CNTNAP4: variants seen among roughly 807,000 people sequenced by gnomAD.
The protein encoded by CNTNAP4 is contactin-associated protein-like 4.
CNTNAP4 carries 98 observed loss-of-function variants against 148.4 expected under a neutral mutation model. That is an observed-to-expected ratio of 0.66 (90% confidence interval 0.56 to 0.78). The LOEUF (loss-of-function observed/expected upper bound fraction) is 0.78, where lower values mean the gene tolerates loss of function less well. CNTNAP4 is among the 30% of genes least tolerant of loss of function. The probability of loss-of-function intolerance (pLI) is 0.00; values close to 1 mark genes in which losing one functional copy is unlikely to be tolerated. For missense variants in CNTNAP4, 1,935 were observed against 1,565.6 expected (o/e 1.24, Z -3.98); for synonymous variants, 730 against 565.1 (o/e 1.29, Z -4.14).
chr16:76,303,598 A>G (rs368907149), intron 1 of CNTNAP4, among the ~76,000 whole-genome samples: 3 of 152,178 alleles, frequency 2.0e-5, no homozygotes, highest in Admixed American at 1.3e-4. Flanking sequence ...TTCTAACTGT[A>G]TCATCAAAGG....
chr16:76,537,464 G>C (rs35430624), intron 18 of CNTNAP4, among the ~76,000 whole-genome samples: 1 of 131,006 alleles, frequency 7.6e-6, no homozygotes, highest in Admixed American at 8.1e-5. Context: ...GTGAGAGAGA[G>C]AGAGAGGAAG....
chr16:76,557,620 G>A (rs1483742499), intron 23 of CNTNAP4: 4 of 152,192 alleles, frequency 2.6e-5, no homozygotes, highest in South Asian at 2.1e-4. Flanking sequence ...GCAGTGTAAT[G>A]TTTTCTACTT....
chr16:76,464,521 TA>T (rs2081106655), intron 9 of CNTNAP4, among the ~76,000 whole-genome samples: 1 of 152,132 alleles, frequency 6.6e-6, no homozygotes, highest in Non-Finnish European at 1.5e-5. Context: ...CTGTGTTGTC[TA>T]GGTGGAAAGT....
chr16:76,448,878 A>G lies in CNTNAP4; in HGVS notation c.854A>G (p.Asn285Ser), dbSNP rs758031210. The change falls in exon 6 of 24, where the codon AAC becomes AGC. Residue 285 changes from asparagine (N) to serine (S), a missense_variant. Transcript: ENST00000611870. ...VLIQRLGKQVNFTVDEHRHHF... is the reference protein window; with the variant it reads ...VLIQRLGKQVSFTVDEHRHHF... ...ATCCAGCGTTTGGGCAAACAAGTCA[A>G]CTTCACAGTGGACGAACACAGGCAT... The G allele has an allele frequency of 1.2e-5, 19 of 1,613,656 alleles. No homozygotes were observed. Among genetic ancestry groups the G allele is most frequent in the South Asian group, 3.3e-5 (3 of 91,002 alleles).
intron 1 of CNTNAP4, among the ~76,000 whole-genome samples, chr16:76,306,805 C>G (rs1301690347): frequency 2.0e-5 from 3 of 152,158 alleles, no homozygotes; most frequent in Non-Finnish European, 4.4e-5. Context: ...TAAGTACCTA[C>G]TCTGTACTTT....
intron 3 of CNTNAP4, among the ~76,000 whole-genome samples, chr16:76,364,577 G>T (rs1293815155): frequency 6.6e-6 from 1 of 152,024 alleles, no homozygotes; most frequent in African/African-American, 2.4e-5. Flanking sequence ...TCTTACCACG[G>T]CTGCGATACT....
chr16:76,511,685 A>G lies in CNTNAP4; in HGVS notation c.2366-9455A>G, dbSNP rs538825033. ...TTATCTTTTTCAATTTCACTTTTGT[A>G]TGCCCTCTTTCTCTTCCTCTTTTTC... On this transcript the variant is annotated intron_variant, in intron 15 of 23. Coordinates refer to ENST00000611870, the MANE Select transcript of CNTNAP4 (RefSeq NM_033401.5). Among the ~76,000 whole-genome samples, 6 of 152,140 alleles carry G rather than the reference A, an allele frequency of 3.9e-5. No homozygotes were observed. The South Asian group carries it at 1.0e-3, about 26-fold the overall frequency.
chr16:76,322,930 G>A (rs1036900123), intron 2 of CNTNAP4, among the ~76,000 whole-genome samples: 1 of 151,934 alleles, frequency 6.6e-6, no homozygotes, highest in Non-Finnish European at 1.5e-5. Flanking sequence ...TGCCTTGTGG[G>A]TTCAAGCGAG....
At chr16:76,457,634 G>A (rs575769537) in intron 8 of CNTNAP4, among the ~76,000 whole-genome samples, 1 of 152,206 alleles carries the variant, frequency 6.6e-6, no homozygotes, top group Non-Finnish European at 1.5e-5. Flanking sequence ...TATGGGTCCT[G>A]GACCAGCACT....
chr16:76,452,808 G>C, intron 8 of CNTNAP4, 39 bp downstream of exon 8: 4 of 1,477,520 alleles, frequency 2.7e-6, no homozygotes, highest in Non-Finnish European at 3.6e-6. Context: ...ATATGGATTT[G>C]AAAGATTTCA....
chr16:76,298,950 C>G (rs1248261062), intron 1 of CNTNAP4, among the ~76,000 whole-genome samples: 2 of 152,024 alleles, frequency 1.3e-5, no homozygotes, highest in Non-Finnish European at 2.9e-5. Context: ...TCTCTAGAAC[C>G]TGGTAGGGAC....
intron 15 of CNTNAP4, among the ~76,000 whole-genome samples, chr16:76,509,843 C>G (rs1349042151): frequency 3.2e-5 from 3 of 92,348 alleles, no homozygotes; most frequent in African/African-American, 8.0e-5. Flanking sequence ...TTTTTTTTGT[C>G]TTTAGAAAGA....
intron 3 of CNTNAP4, among the ~76,000 whole-genome samples, chr16:76,400,046 T>C (rs1422530555): frequency 6.6e-6 from 1 of 152,194 alleles, no homozygotes; most frequent in Non-Finnish European, 1.5e-5. Context: ...CATATCTTAG[T>C]GTATAGCAAT....
chr16:76,302,924 T>C (rs1358717772), intron 1 of CNTNAP4, among the ~76,000 whole-genome samples: 1 of 152,144 alleles, frequency 6.6e-6, no homozygotes, highest in Non-Finnish European at 1.5e-5. Flanking sequence ...AGTGTCCTTG[T>C]AATAGTGATG....
At chr16:76,386,945 C>G (rs2016563863) in intron 3 of CNTNAP4, among the ~76,000 whole-genome samples, 1 of 152,208 alleles carries the variant, frequency 6.6e-6, no homozygotes, top group South Asian at 2.1e-4. Flanking sequence ...ACTCAACTTG[C>G]TTTTGTTGGC....
chr16:76,289,421 A>C (rs919563011), intron 1 of CNTNAP4, among the ~76,000 whole-genome samples: 1 of 151,556 alleles, frequency 6.6e-6, no homozygotes, highest in Non-Finnish European at 1.5e-5. Context: ...TTCATTCTCT[A>C]TTTTTTCTTT....
chr16:76,326,921 C>T (rs776554026), intron 2 of CNTNAP4, among the ~76,000 whole-genome samples: 1 of 151,210 alleles, frequency 6.6e-6, no homozygotes, highest in Non-Finnish European at 1.5e-5. Flanking sequence ...GCACGTTGTG[C>T]ACATGTACCC....
chr16:76,317,541 T>C (rs943597196), intron 2 of CNTNAP4, among the ~76,000 whole-genome samples: 4 of 152,328 alleles, frequency 2.6e-5, no homozygotes, highest in African/African-American at 9.6e-5. Context: ...TAAAACGTTT[T>C]AACAATCATA....
At chr16:76,325,959 AAGAG>A (rs1485428910) in intron 2 of CNTNAP4, among the ~76,000 whole-genome samples, 1 of 152,188 alleles carries the variant, frequency 6.6e-6, no homozygotes, top group Non-Finnish European at 1.5e-5. Flanking sequence ...CTCTACCTGT[AAGAG>A]AGAAATTTAT....
Sources: gnomAD v4.1 joint callset for allele counts (sites outside exome capture counted in the v4.1 genomes callset) on GRCh38, gnomAD v4.1.1 for gene constraint, MANE v1.5 for transcripts, NCBI Gene and HGNC (gene_info 2026-07-23, HGNC 2026-07-21) for gene names.